Variants in CAMK1D observed in about 807,000 individuals in gnomAD.
CAMK1D encodes calcium/calmodulin dependent protein kinase ID.
A neutral mutation model predicts 47.7 loss-of-function variants in CAMK1D; 9 were observed. The observed-to-expected ratio is 0.19, with a 90% CI of 0.11 to 0.33. CAMK1D has a LOEUF of 0.33. Among genes scored for constraint, CAMK1D ranks in the 10% least tolerant of loss-of-function variants. The probability of loss-of-function intolerance (pLI) is 1.00; values close to 1 mark genes in which losing one functional copy is unlikely to be tolerated. For missense variants in CAMK1D, 291 were observed against 488.7 expected (o/e 0.60, Z 3.81); for synonymous variants, 184 against 184.9 (o/e 0.99, Z 0.04).
At position 12,703,826 on chromosome 10, in the gene CAMK1D, G is replaced by A. The variant is rs948806521; in HGVS notation, c.299+37016G>A. Among the ~76,000 whole-genome samples, 18 of 148,970 alleles carry A rather than the reference G, an allele frequency of 1.2e-4. No individual in the cohort carries two copies. In the South Asian group the frequency reaches 1.7e-3, roughly 14 times the overall value. ...GGAGGTTGCAGTGAGCCGAGATCAC[G>A]CCACTGCACTCCAGCCAGGACGACA... On this transcript the variant is annotated intron_variant, in intron 3 of 10. Transcript: ENST00000619168.
chr10:12,663,141 A>G (rs1160954233), intron 2 of CAMK1D, among the ~76,000 whole-genome samples: 1 of 151,526 alleles, frequency 6.6e-6, no homozygotes, highest in African/African-American at 2.4e-5. Context: ...TTGTATTTTT[A>G]GTAGGAATGG....
chr10:12,737,219 C>T (rs1460822489), intron 3 of CAMK1D, among the ~76,000 whole-genome samples: 1 of 152,096 alleles, frequency 6.6e-6, no homozygotes, highest in Non-Finnish European at 1.5e-5. Context: ...TTCTTTCCCT[C>T]CCTGTTGTTC....
chr10:12,600,615 C>T (rs950658523), intron 2 of CAMK1D, among the ~76,000 whole-genome samples: 6 of 152,176 alleles, frequency 3.9e-5, no homozygotes, highest in Non-Finnish European at 7.3e-5. Context: ...GATGTTTGCT[C>T]AGAGATTTTG....
At chr10:12,635,962 T>A (rs1452278917) in intron 2 of CAMK1D, among the ~76,000 whole-genome samples, 1 of 152,240 alleles carries the variant, frequency 6.6e-6, no homozygotes, top group African/African-American at 2.4e-5. Context: ...AATCTCCCTC[T>A]TGATTACTGT....
intron 2 of CAMK1D, among the ~76,000 whole-genome samples, chr10:12,623,767 A>G (rs1477002330): frequency 2.0e-5 from 3 of 151,844 alleles, no homozygotes; most frequent in South Asian, 4.2e-4. Context: ...AATAAATGTT[A>G]TTTAGAAACC....
chr10:12,675,127 G>A (rs1214353110), intron 3 of CAMK1D, among the ~76,000 whole-genome samples: 1 of 151,656 alleles, frequency 6.6e-6, no homozygotes, highest in East Asian at 1.9e-4. Flanking sequence ...TAACAACTTA[G>A]GAAGTAAAAT....
rs1483193783 is a variant in CAMK1D at position 12,816,272 on chromosome 10, G to A, written c.777G>A (p.Leu259=). 1 of 1,613,712 alleles carries A rather than the reference G, an allele frequency of 6.2e-7. No individual in the cohort carries two copies. Among genetic ancestry groups the A allele is most frequent in the Non-Finnish European group, 8.5e-7 (1 of 1,179,888 alleles). Residue 259 remains leucine (L), a synonymous_variant, in exon 8 of 11, where the codon CTG becomes CTA. Coordinates refer to ENST00000619168, the MANE Select transcript of CAMK1D (RefSeq NM_153498.4). ...CAGCAAAAGACTTCATTCGGAACCT[G>A]ATGGAGAAGGACCCGAATAAAAGAT... ...SDSAKDFIRN[L]MEKDPNKRYT...
At chr10:12,683,870 C>T (rs545445652) in intron 3 of CAMK1D, among the ~76,000 whole-genome samples, 2 of 152,002 alleles carry the variant, frequency 1.3e-5, no homozygotes, top group East Asian at 3.9e-4. Flanking sequence ...CTTATTCAGA[C>T]CCCTAGTGAC....
intron 3 of CAMK1D, among the ~76,000 whole-genome samples, chr10:12,693,989 A>AAAATATATAATATATATTATATG (rs1833054628): frequency 4.1e-5 from 3 of 72,618 alleles, no homozygotes; most frequent in African/African-American, 1.6e-4. Flanking sequence ...TATTATATAT[A>AAAATATATAATATATATTATATG]CATATAATAT....
intron 3 of CAMK1D, among the ~76,000 whole-genome samples, chr10:12,708,139 G>C (rs1176951907): frequency 6.6e-6 from 1 of 152,184 alleles, no homozygotes; most frequent in Non-Finnish European, 1.5e-5. Context: ...TGCACACACA[G>C]TGGTTTTAGT....
At chr10:12,400,012 C>T (rs1588443279) in intron 1 of CAMK1D, among the ~76,000 whole-genome samples, 1 of 152,146 alleles carries the variant, frequency 6.6e-6, no homozygotes, top group Non-Finnish European at 1.5e-5. Context: ...TGTTTCTCCC[C>T]TAGGAGCAAT....
intron 1 of CAMK1D, among the ~76,000 whole-genome samples, chr10:12,412,452 A>G (rs927849071): frequency 1.1e-4 from 8 of 72,584 alleles, no homozygotes; most frequent in African/African-American, 3.7e-4. Flanking sequence ...TTTACTAAAA[A>G]TACAAAAAAA....
intron 2 of CAMK1D, among the ~76,000 whole-genome samples, chr10:12,560,095 C>T (rs2132287929): frequency 6.6e-6 from 1 of 152,278 alleles, no homozygotes; most frequent in African/African-American, 2.4e-5. Flanking sequence ...GATTAGGGAA[C>T]AGCCCCCAGA....
At chr10:12,606,384 C>T (rs556074437) in intron 2 of CAMK1D, among the ~76,000 whole-genome samples, 44 of 152,308 alleles carry the variant, frequency 2.9e-4, no homozygotes, top group South Asian at 1.0e-3. Flanking sequence ...CCGCCTAACC[C>T]ATTTGGCTGA....
chr10:12,447,979 G>C (rs779094636), intron 1 of CAMK1D, among the ~76,000 whole-genome samples: 1 of 151,990 alleles, frequency 6.6e-6, no homozygotes, highest in Non-Finnish European at 1.5e-5. Flanking sequence ...AGCCTCCCAA[G>C]TATTTGGGAT....
At chr10:12,741,997 G>A (rs1230698854) in intron 3 of CAMK1D, among the ~76,000 whole-genome samples, 1 of 152,146 alleles carries the variant, frequency 6.6e-6, no homozygotes, top group African/African-American at 2.4e-5. Flanking sequence ...CAGCATCTGG[G>A]GTGTCCTGAA....
chr10:12,368,198 C>CAAA (rs759817546), intron 1 of CAMK1D, among the ~76,000 whole-genome samples: 5,192 of 89,482 alleles, frequency 0.058, 168 homozygotes, highest in Admixed American at 0.092. Context: ...GACTCCGTCT[C>CAAA]AAAAAAAAAA....
intron 2 of CAMK1D, among the ~76,000 whole-genome samples, chr10:12,616,669 C>T (rs920678663): frequency 6.6e-6 from 1 of 150,984 alleles, no homozygotes; most frequent in East Asian, 1.9e-4. Context: ...AGGCGCCCGC[C>T]ACTAAGCCCG....
intron 2 of CAMK1D, among the ~76,000 whole-genome samples, chr10:12,592,389 A>T (rs1442416238): frequency 6.6e-6 from 1 of 152,154 alleles, no homozygotes; most frequent in Non-Finnish European, 1.5e-5. Context: ...AGCCAAGAGT[A>T]TTTTTCTTTT....
Sources: gnomAD v4.1 joint callset for allele counts (sites outside exome capture counted in the v4.1 genomes callset) on GRCh38, gnomAD v4.1.1 for gene constraint, MANE v1.5 for transcripts, NCBI Gene and HGNC (gene_info 2026-07-23, HGNC 2026-07-21) for gene names.